Variants in PREPL observed in about 807,000 individuals in gnomAD.
PREPL encodes prolyl endopeptidase like.
A neutral mutation model predicts 70.6 loss-of-function variants in PREPL; 77 were observed. The observed-to-expected ratio is 1.09, with a 90% confidence interval of 0.91 to 1.32. The LOEUF (loss-of-function observed/expected upper bound fraction) is 1.32. PREPL is among the 40% of genes most tolerant of loss of function. The probability of loss-of-function intolerance (pLI) is 0.00; values close to 1 mark genes in which losing one functional copy is unlikely to be tolerated. For missense variants in PREPL, 1,002 were observed against 778.2 expected, an observed-to-expected ratio of 1.29 and a Z score of -3.42; for synonymous variants, 315 against 264.8, an observed-to-expected ratio of 1.19 and a Z score of -1.84.
At chr2:44,346,066 T>C (rs1675782798) in intron 2 of PREPL, among the ~76,000 whole-genome samples, 1 of 152,142 alleles carries the variant, frequency 6.6e-6, no homozygotes, top group South Asian at 2.1e-4. Flanking sequence ...CTTTCGATCT[T>C]TACATTTATT....
intron 12 of PREPL, 133 bp from the exon 13 acceptor site, chr2:44,322,033 A>C: frequency 1.2e-6 from 1 of 859,758 alleles, no homozygotes; most frequent in Non-Finnish European, 1.7e-6. Context: ...AAAAACCACC[A>C]TCATCAACAA....
chr2:44,345,388 G>A (rs2104007355), intron 2 of PREPL, among the ~76,000 whole-genome samples: 1 of 151,100 alleles, frequency 6.6e-6, no homozygotes, highest in Non-Finnish European at 1.5e-5. Context: ...GTCTTGCTCT[G>A]TCACCCAGGC....
At chr2:44,348,752 G>C (rs1043669172) in intron 1 of PREPL, among the ~76,000 whole-genome samples, 6 of 152,144 alleles carry the variant, frequency 3.9e-5, no homozygotes, top group African/African-American at 1.4e-4. Context: ...GAACTCAACA[G>C]CTTTCTAAGT....
intron 2 of PREPL, among the ~76,000 whole-genome samples, chr2:44,345,945 C>A (rs979863966): frequency 2.6e-5 from 4 of 151,840 alleles, no homozygotes; most frequent in Non-Finnish European, 5.9e-5. Context: ...AGTTCAAGAT[C>A]AGCCAGGGCA....
intron 5 of PREPL, among the ~76,000 whole-genome samples, chr2:44,339,826 G>C (rs1675020284): frequency 6.6e-6 from 1 of 152,064 alleles, no homozygotes; most frequent in Non-Finnish European, 1.5e-5. Flanking sequence ...GAATAAAAGG[G>C]ACACGGAGTT....
At chr2:44,336,196 T>C (rs773510390) in intron 7 of PREPL, among the ~76,000 whole-genome samples, 4 of 152,200 alleles carry the variant, frequency 2.6e-5, no homozygotes, top group Admixed American at 1.3e-4. Flanking sequence ...AATCCCATTA[T>C]TGGATATATA....
At position 44,342,541 on chromosome 2, in the gene PREPL, C is replaced by T. The variant is rs1242583487; in HGVS notation, c.361G>A (p.Asp121Asn). Reference sequence around the variant, plus strand: ...AATAAAACATCTTCATCTTCCTCGTCCTTTACCCATTCTGAAAGAAAATAA... The same window carrying T: ...AATAAAACATCTTCATCTTCCTCGTTCTTTACCCATTCTGAAAGAAAATAA... The part of the protein sequence containing the change: ...PNVSSFEWVK[D>N]EEDEDVLFYT... Residue 121 changes from aspartate to asparagine, a missense_variant, in exon 5 of 14, where the codon GAC (aspartate) becomes AAC (asparagine). Transcript: ENST00000409411. 1 of 1,594,268 alleles carries T rather than the reference C, an allele frequency of 6.3e-7. No individual in the cohort carries two copies. Among genetic ancestry groups the T allele is most frequent in the South Asian group, 1.1e-5 (1 of 89,582 alleles).
chr2:44,346,393 G>C lies in PREPL; in HGVS notation c.-48-3C>G. On this transcript the variant is annotated splice_polypyrimidine_tract_variant and splice_region_variant and intron_variant, in intron 1 of 13. Coordinates refer to ENST00000409411, the MANE Select transcript of PREPL (RefSeq NM_001171613.2). Reference sequence around the variant, plus strand: ...TCTTGTTTAACAGGCTGAAGATCCTGGAAAAAGTTTTGTTATGATCAAAAT... The same window carrying C: ...TCTTGTTTAACAGGCTGAAGATCCTCGAAAAAGTTTTGTTATGATCAAAAT... The C allele has an allele frequency of 6.2e-7, 1 of 1,608,376 alleles. No homozygotes were observed. The highest frequency in any genetic ancestry group is 8.5e-7 in the Non-Finnish European group (1 of 1,178,500).
In PREPL at chr2:44,338,374, CA is replaced by C; in HGVS notation, c.864del (p.Asp289MetfsTer7). The C allele has an allele frequency of 6.2e-7, 1 of 1,612,168 alleles. No homozygotes were observed. Among genetic ancestry groups the C allele is most frequent in the Non-Finnish European group, 8.5e-7 (1 of 1,179,598 alleles). On this transcript the variant is annotated frameshift_variant, in exon 7 of 14. Coordinates refer to ENST00000409411, the MANE Select transcript of PREPL (RefSeq NM_001171613.2). LOFTEE classifies it high-confidence loss of function. ...NLLYVNVIGL[A>X]DDSVRSLKLP... ...ACCTTTAGAGACCGAACTGAATCATCAGCCAGACCAATCACATTAACATAAA... is the reference window on the plus strand; with the variant it reads ...ACCTTTAGAGACCGAACTGAATCATCGCCAGACCAATCACATTAACATAAA...
Position 44,326,866 on chromosome 2 carries a change from C to T in PREPL, c.1325G>A (p.Gly442Asp), listed in dbSNP as rs1447890516. The change falls in exon 10 of 14, where the codon GGC becomes GAC. Residue 442 changes from glycine (G) to aspartate (D), a missense_variant. By Grantham distance (94) the Gly-to-Asp change is moderately conservative (BLOSUM62 -1). Coordinates refer to ENST00000409411, the MANE Select transcript of PREPL (RefSeq NM_001171613.2). ...ADGRLTKKLNGLADLEACIKT... is the reference protein window; with the variant it reads ...ADGRLTKKLNDLADLEACIKT... ...AATGCAAGCCTCTAAATCAGCAAGG[C>T]CATTGAGTTTTTTAGTTAGGCGGCC... 6.2e-7 allele frequency: 1 copy of T among 1,613,994 alleles called. No individual in the cohort carries two copies. Among genetic ancestry groups the T allele is most frequent in the Non-Finnish European group, 8.5e-7 (1 of 1,180,036 alleles).
rs376897765 is a variant in PREPL, at chr2:44,320,618, C to T, written c.*738G>A. 1.6e-5 allele frequency: 26 copies of T among 1,613,788 alleles called. No homozygotes were observed. Among genetic ancestry groups the T allele is most frequent in the Middle Eastern group, 3.3e-4 (2 of 6,060 alleles). The stretch of plus-strand genomic sequence containing the variant: ...GAGCATGCTATTCCAGTGTACTGAA[C>T]ATACTGTATACCTCGTGTTAGGCAC... On this transcript the variant is annotated 3_prime_UTR_variant, in exon 14 of 14. Coordinates refer to ENST00000409411, the MANE Select transcript of PREPL (RefSeq NM_001171613.2).
In PREPL at chr2:44,343,740, C is replaced by T. The variant is rs749375759; in HGVS notation, c.349+5G>A. 33 of 1,611,188 alleles carry T rather than the reference C, an allele frequency of 2.0e-5. No individual in the cohort carries two copies. Among genetic ancestry groups the T allele is most frequent in the Non-Finnish European group, 2.6e-5 (31 of 1,177,562 alleles). ...CACAGAGGACTATTTTGGTTGGTGG[C>T]TTACCAAAACTGGACACATTCGGGA... is the stretch of plus-strand genomic sequence containing the variant. On this transcript the variant is annotated splice_donor_5th_base_variant and intron_variant, in intron 4 of 13. Coordinates refer to ENST00000409411, the MANE Select transcript of PREPL (RefSeq NM_001171613.2).
At chr2:44,332,322 A>T (rs1017687332) in intron 8 of PREPL, 137 bp downstream of exon 8, 3 of 691,198 alleles carry the variant, frequency 4.3e-6, no homozygotes, top group Non-Finnish European at 4.7e-6. Context: ...CTATCCCTAA[A>T]GTCACTTGGG....
chr2:44,337,976 T>C (rs1161805210), intron 7 of PREPL, among the ~76,000 whole-genome samples: 2 of 152,178 alleles, frequency 1.3e-5, no homozygotes, highest in Non-Finnish European at 2.9e-5. Context: ...CTGTTGGGGA[T>C]GTGGGATGGG....
chr2:44,340,320 A>G (rs570153718), intron 5 of PREPL, among the ~76,000 whole-genome samples: 1 of 152,282 alleles, frequency 6.6e-6, no homozygotes, highest in South Asian at 2.1e-4. Context: ...TACTAATTTA[A>G]TAAGTGTATT....
chr2:44,326,617 G>A (rs1188158497), intron 10 of PREPL, 95 bp downstream of exon 10: 4 of 1,290,660 alleles, frequency 3.1e-6, no homozygotes, highest in Non-Finnish European at 4.4e-6. Flanking sequence ...TTACAGGCAT[G>A]AGCCGCTGTG....
At chr2:44,336,804 C>A (rs1160685699) in intron 7 of PREPL, among the ~76,000 whole-genome samples, 1 of 152,086 alleles carries the variant, frequency 6.6e-6, no homozygotes, top group Non-Finnish European at 1.5e-5. Context: ...AGTCAGTCAC[C>A]ATTTTGGTTT....
Position 44,338,296 on chromosome 2 carries a change from C to G in PREPL, c.888+55G>C. ...ATTCAAAATGTGATGTTCTGTTAAG[C>G]TAAACTGCATAAATATTTTGATTAA... On this transcript the variant is annotated intron_variant, in intron 7 of 13. Coordinates refer to ENST00000409411, the MANE Select transcript of PREPL (RefSeq NM_001171613.2). 4 of 1,469,282 alleles carry G rather than the reference C, an allele frequency of 2.7e-6. No individual in the cohort carries two copies. In the Admixed American group the frequency reaches 8.3e-5, roughly 30 times the overall value. 91.0% of individuals were successfully genotyped at this position (1,469,282 alleles called of 1,614,324 possible).
At position 44,320,513 on chromosome 2, in the gene PREPL, G is replaced by A. The variant is rs955228283; in HGVS notation, c.*843C>T. ...GTGGCATTTTTCTGGACAAGGGAGA[G>A]GGACTCATCTTTGAACACAACACGA... On this transcript the variant is annotated 3_prime_UTR_variant, in exon 14 of 14. Transcript: ENST00000409411. The A allele has an allele frequency of 6.2e-7, 1 of 1,614,134 alleles. No homozygotes were observed. The highest frequency in any genetic ancestry group is 1.1e-5 in the South Asian group (1 of 91,086).
Sources: allele counts gnomAD v4.1 joint callset (sites outside exome capture counted in the v4.1 genomes callset), GRCh38; gene constraint gnomAD v4.1.1; transcripts MANE v1.5; gene names NCBI Gene and HGNC (gene_info 2026-07-23, HGNC 2026-07-21).